The following FAT3 variants were observed in gnomAD, a reference collection of about 807,000 sequenced individuals.
FAT3 encodes the protein protocadherin Fat 3.
A neutral mutation model predicts 310.2 loss-of-function variants in FAT3; 95 were observed. The observed-to-expected ratio is 0.31, with a 90% CI of 0.26 to 0.36. The LOEUF (loss-of-function observed/expected upper bound fraction) is 0.36. Among genes scored for constraint, FAT3 ranks in the 10% least tolerant of loss-of-function variants. FAT3 has a pLI of 1.00. For synonymous variants in FAT3, 2,314 were observed against 2,192.9 expected (o/e 1.06, Z -1.54); for missense variants, 5,408 against 5,715.6 (o/e 0.95, Z 1.74).
chr11:92,716,262 AAGCTGGTGTTCAGT>A (rs1314639456), intron 4 of FAT3, among the ~76,000 whole-genome samples: 3 of 152,160 alleles, frequency 2.0e-5, no homozygotes, highest in Non-Finnish European at 4.4e-5. Context: ...TGGATGTCAG[AAGCTGGTGTTCAGT>A]AGCAGGCATG....
intron 2 of FAT3, among the ~76,000 whole-genome samples, chr11:92,495,674 C>T (rs1265373463): frequency 6.6e-6 from 1 of 151,932 alleles, no homozygotes; most frequent in African/African-American, 2.4e-5. Flanking sequence ...GTATAATCTC[C>T]CTGTACCTAG....
At chr11:92,489,567 A>G (rs1952540492) in intron 2 of FAT3, among the ~76,000 whole-genome samples, 1 of 152,062 alleles carries the variant, frequency 6.6e-6, no homozygotes, top group African/African-American at 2.4e-5. Context: ...GGATAATTGT[A>G]CTTGGGTACA....
intron 3 of FAT3, among the ~76,000 whole-genome samples, chr11:92,545,973 A>G (rs1954603742): frequency 1.3e-5 from 2 of 152,194 alleles, no homozygotes; most frequent in Admixed American, 1.3e-4. Context: ...TCACAGCTCT[A>G]CTAGAGAAAT....
In FAT3 at chr11:92,401,617, AG is replaced by A. The variant is rs1185092624; in HGVS notation, c.3292+46214del. Reference sequence around the variant, plus strand: ...ACCCTTGAAACACAGCCTCACTGAAAGACTGAGGCTTAATTAAGAAGACTTG... The same window carrying A: ...ACCCTTGAAACACAGCCTCACTGAAAACTGAGGCTTAATTAAGAAGACTTG... On this transcript the variant is annotated intron_variant, in intron 2 of 27. Transcript: ENST00000525166. Among the ~76,000 whole-genome samples, 4 of 152,164 alleles carry A rather than the reference AG, an allele frequency of 2.6e-5. No individual in the cohort carries two copies. The East Asian group carries it at 7.7e-4, about 29-fold the overall frequency.
At chr11:92,834,779 G>A in intron 14 of FAT3, 91 bp from the exon 15 acceptor site, 1 of 1,134,848 alleles carries the variant, frequency 8.8e-7, no homozygotes, top group Admixed American at 2.6e-5. Context: ...TTCTTGGCTG[G>A]AGAGGATGTT....
Position 92,806,469 on chromosome 11 carries a change from A to G in FAT3, c.9201A>G (p.Ser3067=). 4 of 1,570,364 alleles carry G rather than the reference A, an allele frequency of 2.5e-6. No individual in the cohort carries two copies. Among genetic ancestry groups the G allele is most frequent in the Non-Finnish European group, 3.5e-6 (4 of 1,155,624 alleles). Residue 3067 remains serine (S), a synonymous_variant, in exon 12 of 28, where the codon TCA becomes TCG. Transcript: ENST00000525166. ...DIGSNGYIRY[S]LYGSGNSEFF... is the part of the protein sequence containing the mutation. Reference sequence around the variant, plus strand: ...GATCCAATGGATATATACGATACTCACTCTATGGATCTGGAAACAGTGAAT... The same window carrying G: ...GATCCAATGGATATATACGATACTCGCTCTATGGATCTGGAAACAGTGAAT...
At chr11:92,254,024 A>G (rs1217998626) in intron 1 of FAT3, among the ~76,000 whole-genome samples, 3 of 152,208 alleles carry the variant, frequency 2.0e-5, no homozygotes, top group African/African-American at 7.2e-5. Context: ...AATCCTTCAC[A>G]GAAGCTCCAA....
At chr11:92,608,668 C>T (rs564728) in intron 3 of FAT3, among the ~76,000 whole-genome samples, 72,099 of 150,462 alleles carry the variant, frequency 0.48, 17,504 homozygotes, top group Non-Finnish European at 0.49. Context: ...CTGATAAAAA[C>T]CTAATAAATA....
At position 92,799,401 on chromosome 11, in the gene FAT3, T is replaced by C; in HGVS notation, c.6388T>C (p.Phe2130Leu). Residue 2130 changes from phenylalanine to leucine, a missense_variant, in exon 10 of 28, where the codon TTT becomes CTT. Physicochemically the swap from Phe to Leu is conservative, Grantham distance 22. Coordinates refer to ENST00000525166, the MANE Select transcript of FAT3 (RefSeq NM_001367949.2). ...TYVLQDDYGH[F>L]EINPNSGNVI... ...TGTCCTGCAGGATGACTATGGCCACTTTGAAATTAACCCTAATTCAGGGAA... is the reference window on the plus strand; with the variant it reads ...TGTCCTGCAGGATGACTATGGCCACCTTGAAATTAACCCTAATTCAGGGAA... 3 of 1,613,692 alleles carry C rather than the reference T, an allele frequency of 1.9e-6. No individual in the cohort carries two copies.
intron 1 of FAT3, among the ~76,000 whole-genome samples, chr11:92,230,081 G>A (rs1864105676): frequency 6.6e-6 from 1 of 152,118 alleles, no homozygotes; most frequent in Non-Finnish European, 1.5e-5. Context: ...GAGTCCTTGA[G>A]CAGTTGTTAG....
At chr11:92,355,616 C>T (rs758002290) in intron 2 of FAT3, among the ~76,000 whole-genome samples, 2 of 152,040 alleles carry the variant, frequency 1.3e-5, no homozygotes, top group African/African-American at 4.8e-5. Context: ...CAGTGGGAGT[C>T]CTGGTTTGTT....
chr11:92,886,333 G>A (rs1949796385), intron 24 of FAT3, among the ~76,000 whole-genome samples: 1 of 151,694 alleles, frequency 6.6e-6, no homozygotes, highest in Non-Finnish European at 1.5e-5. Context: ...GCCCTGGTGT[G>A]TGTGTGTGTG....
intron 14 of FAT3, among the ~76,000 whole-genome samples, chr11:92,832,925 C>G (rs1331703757): frequency 6.6e-6 from 1 of 152,088 alleles, no homozygotes; most frequent in Non-Finnish European, 1.5e-5. Context: ...ACCCAGTTCA[C>G]AATTCATGGT....
intron 3 of FAT3, among the ~76,000 whole-genome samples, chr11:92,649,878 T>C (rs1011199012): frequency 0.098 from 4,688 of 47,764 alleles, 210 homozygotes; most frequent in African/African-American, 0.11. Flanking sequence ...TATGTTCATA[T>C]ATATATATAT....
At chr11:92,668,335 A>C (rs1943020820) in intron 3 of FAT3, among the ~76,000 whole-genome samples, 1 of 152,250 alleles carries the variant, frequency 6.6e-6, no homozygotes, top group South Asian at 2.1e-4. Context: ...TGCACATAAA[A>C]TAGAAGACAC....
At chr11:92,882,221 T>G (rs1949684617) in intron 23 of FAT3, among the ~76,000 whole-genome samples, 1 of 152,220 alleles carries the variant, frequency 6.6e-6, no homozygotes, top group South Asian at 2.1e-4. Context: ...AATATCCATA[T>G]GTTTCACTGC....
At chr11:92,772,398 A>G (rs1002879873) in intron 6 of FAT3, among the ~76,000 whole-genome samples, 2 of 152,048 alleles carry the variant, frequency 1.3e-5, no homozygotes, top group Non-Finnish European at 2.9e-5. Context: ...ATGGTTTTTC[A>G]AGACACTCAA....
intron 2 of FAT3, among the ~76,000 whole-genome samples, chr11:92,462,962 C>T (rs1364324942): frequency 6.6e-6 from 1 of 152,188 alleles, no homozygotes; most frequent in East Asian, 1.9e-4. Flanking sequence ...TCTCCTTCTG[C>T]AAACACACAT....
In FAT3 at chr11:92,800,716, T is replaced by G. The variant is rs752126170; in HGVS notation, c.7703T>G (p.Val2568Gly). Residue 2568 changes from valine to glycine, a missense_variant, in exon 10 of 28, where the codon GTT becomes GGT. Physicochemically the swap from Val to Gly is moderately radical, Grantham distance 109. This residue lies in a region of FAT3 where 4,588 missense variants were observed against 4,809.8 expected (regional missense o/e 0.95). Transcript: ENST00000525166. The part of the protein sequence containing the change: ...LDRENPLEGD[V>G]SIFVRALDGG... The stretch of plus-strand genomic sequence containing the variant: ...CGGGAAAACCCTCTAGAAGGGGATG[T>G]TAGTATTTTTGTGAGGGCCCTTGAT... The G allele has an allele frequency of 2.5e-6, 4 of 1,613,798 alleles. No individual in the cohort carries two copies. Among genetic ancestry groups the G allele is most frequent in the Non-Finnish European group, 3.4e-6 (4 of 1,179,822 alleles).
Sources: allele counts gnomAD v4.1 joint callset (sites outside exome capture counted in the v4.1 genomes callset), GRCh38; gene constraint gnomAD v4.1.1; regional missense constraint gnomAD v4.1.1; transcripts MANE v1.5; gene names NCBI Gene and HGNC (gene_info 2026-07-23, HGNC 2026-07-21).